TSHZ2: variants seen among roughly 807,000 people sequenced by gnomAD.
TSHZ2 encodes the protein teashirt homolog 2.
Under a neutral mutation model 74.4 loss-of-function variants are expected in TSHZ2, and 21 were observed. The ratio of observed to expected loss-of-function variants is 0.28; its 90% CI spans 0.20 to 0.41. The LOEUF (loss-of-function observed/expected upper bound fraction) is 0.41, where lower values mean the gene tolerates loss of function less well. TSHZ2 is among the 10% of genes least tolerant of loss of function. TSHZ2 has a pLI of 1.00. For missense variants in TSHZ2, 1,244 were observed against 1,293.5 expected, an observed-to-expected ratio of 0.96 and a Z score of 0.59; for synonymous variants, 540 against 515.3, an observed-to-expected ratio of 1.05 and a Z score of -0.65.
At chr20:53,018,016 T>C (rs1342288183) in intron 1 of TSHZ2, among the ~76,000 whole-genome samples, 1 of 152,182 alleles carries the variant, frequency 6.6e-6, no homozygotes, top group Non-Finnish European at 1.5e-5. Flanking sequence ...ATCGCATCAA[T>C]AGGATTCTGC....
chr20:53,281,275 C>A (rs1300663342), intron 2 of TSHZ2, among the ~76,000 whole-genome samples: 3 of 152,150 alleles, frequency 2.0e-5, no homozygotes, highest in Non-Finnish European at 4.4e-5. Flanking sequence ...AGCAGCCAGG[C>A]ATCCACTGAG....
rs922255507 is a variant in TSHZ2 at position 53,488,438 on chromosome 20, C to G, written c.*1303C>G. ...GTTTTAATATTAAAAGTCTTGCATA[C>G]CTAGTGCACAGTTTGGAGACGCAAG... is the stretch of plus-strand genomic sequence containing the variant. On this transcript the variant is annotated 3_prime_UTR_variant, in exon 3 of 3. Transcript: ENST00000371497. 6.5e-6 allele frequency: 1 copy of G among 153,542 alleles called. No individual in the cohort carries two copies. The highest frequency in any genetic ancestry group is 2.4e-5 in the African/African-American group (1 of 41,466). 9.5% of individuals were successfully genotyped at this position (153,542 alleles called of 1,614,324 possible).
At chr20:53,389,640 C>G (rs1982178107) in intron 2 of TSHZ2, among the ~76,000 whole-genome samples, 1 of 152,204 alleles carries the variant, frequency 6.6e-6, no homozygotes, top group African/African-American at 2.4e-5. Flanking sequence ...TGGCCATGCT[C>G]TGCTGGTTGA....
At chr20:53,004,080 CT>C (rs543713348) in intron 1 of TSHZ2, among the ~76,000 whole-genome samples, 288 of 152,082 alleles carry the variant, frequency 1.9e-3, no homozygotes, top group African/African-American at 4.6e-3. Flanking sequence ...TTTGTTCTTT[CT>C]TTTTCTAGTA....
intron 2 of TSHZ2, among the ~76,000 whole-genome samples, chr20:53,443,448 C>T (rs1984417617): frequency 6.6e-6 from 1 of 152,168 alleles, no homozygotes; most frequent in Admixed American, 6.5e-5. Context: ...TCAAGAAATT[C>T]TGGCCTCCAT....
intron 2 of TSHZ2, among the ~76,000 whole-genome samples, chr20:53,375,551 C>A (rs1170295194): frequency 6.6e-6 from 1 of 152,110 alleles, no homozygotes; most frequent in Non-Finnish European, 1.5e-5. Flanking sequence ...CATTTCAGTC[C>A]CTTTTTTACC....
chr20:53,297,078 A>T (rs80031600), intron 2 of TSHZ2, among the ~76,000 whole-genome samples: 1 of 152,144 alleles, frequency 6.6e-6, no homozygotes, highest in African/African-American at 2.4e-5. Context: ...CCATGCTGGC[A>T]AGTCATATCA....
At chr20:53,150,454 G>A (rs546548646) in intron 1 of TSHZ2, among the ~76,000 whole-genome samples, 1 of 152,052 alleles carries the variant, frequency 6.6e-6, no homozygotes, top group African/African-American at 2.4e-5. Flanking sequence ...TCACATAAAT[G>A]GTTGAAAAAT....
intron 1 of TSHZ2, among the ~76,000 whole-genome samples, chr20:53,071,671 G>A (rs1244852098): frequency 6.6e-6 from 1 of 152,144 alleles, no homozygotes; most frequent in Non-Finnish European, 1.5e-5. Flanking sequence ...AAAGCTGTGG[G>A]TCGGGAGAAC....
At chr20:53,167,230 TC>T (rs1256224745) in intron 1 of TSHZ2, among the ~76,000 whole-genome samples, 1 of 152,244 alleles carries the variant, frequency 6.6e-6, no homozygotes, top group Non-Finnish European at 1.5e-5. Flanking sequence ...GACTATGCTG[TC>T]TGTGGAGGTG....
chr20:53,190,307 G>A (rs1352306392), intron 1 of TSHZ2, among the ~76,000 whole-genome samples: 3 of 150,870 alleles, frequency 2.0e-5, no homozygotes, highest in African/African-American at 7.3e-5. Flanking sequence ...GTTTCCTTGC[G>A]AGCTGGTATC....
intron 2 of TSHZ2, among the ~76,000 whole-genome samples, chr20:53,266,945 T>TG (rs1990732286): frequency 1.3e-5 from 2 of 152,056 alleles, no homozygotes; most frequent in Admixed American, 6.5e-5. Flanking sequence ...CTCAGCTAAT[T>TG]TTCTGTGTTT....
At chr20:53,301,971 A>G (rs1222011195) in intron 2 of TSHZ2, among the ~76,000 whole-genome samples, 2 of 152,226 alleles carry the variant, frequency 1.3e-5, no homozygotes, top group South Asian at 2.1e-4. Flanking sequence ...AAGTGGGGGG[A>G]AAATCCACTA....
At chr20:53,173,937 A>G (rs925130758) in intron 1 of TSHZ2, among the ~76,000 whole-genome samples, 14 of 152,152 alleles carry the variant, frequency 9.2e-5, no homozygotes, top group Non-Finnish European at 1.5e-4. Flanking sequence ...TCCATGTGAT[A>G]CTTTTAATTT....
intron 1 of TSHZ2, among the ~76,000 whole-genome samples, chr20:52,980,992 G>T (rs1422416081): frequency 6.6e-6 from 1 of 152,216 alleles, no homozygotes; most frequent in East Asian, 1.9e-4. Flanking sequence ...CTGTAGAGAA[G>T]AGTCAAATCT....
chr20:53,279,302 G>T (rs1794177360), intron 2 of TSHZ2, among the ~76,000 whole-genome samples: 1 of 152,198 alleles, frequency 6.6e-6, no homozygotes, highest in Non-Finnish European at 1.5e-5. Flanking sequence ...AGCAATGATA[G>T]ATTATATCCC....
At chr20:53,044,772 C>A (rs1027552153) in intron 1 of TSHZ2, among the ~76,000 whole-genome samples, 5 of 152,130 alleles carry the variant, frequency 3.3e-5, no homozygotes, top group African/African-American at 9.7e-5. Flanking sequence ...TACAGTGATG[C>A]AATCACAGCT....
intron 1 of TSHZ2, among the ~76,000 whole-genome samples, chr20:53,252,571 C>G (rs1187993752): frequency 6.6e-6 from 1 of 152,206 alleles, no homozygotes; most frequent in African/African-American, 2.4e-5. Flanking sequence ...TCACTCATGT[C>G]TTCATTTTCC....
In TSHZ2 at chr20:53,339,506, T is replaced by A. The variant is rs191023859; in HGVS notation, c.*8+82935T>A. Among the ~76,000 whole-genome samples the A allele has an allele frequency of 4.6e-5, 7 of 152,300 alleles. No individual in the cohort carries two copies. The East Asian group carries it at 1.4e-3, about 29-fold the overall frequency. The stretch of plus-strand genomic sequence containing the variant: ...TCCGTCCTTCTCACACTGGGGCACG[T>A]GGGAGCTCTGTAAGGTGGCCACAGC... On this transcript the variant is annotated intron_variant, in intron 2 of 2. Transcript: ENST00000371497.
Sources: allele counts gnomAD v4.1 joint callset (sites outside exome capture counted in the v4.1 genomes callset), GRCh38; gene constraint gnomAD v4.1.1; transcripts MANE v1.5; gene names NCBI Gene and HGNC (gene_info 2026-07-23, HGNC 2026-07-21).